Variants in ADCY10 observed in about 807,000 individuals in gnomAD.
The protein encoded by ADCY10 is adenylate cyclase type 10.
Under a neutral mutation model 183.3 loss-of-function variants are expected in ADCY10, and 156 were observed. The observed-to-expected ratio is 0.85, with a 90% CI of 0.75 to 0.97. ADCY10 has a LOEUF of 0.97. Among genes scored for constraint, ADCY10 ranks in the 50% least tolerant of loss-of-function variants. ADCY10 has a pLI of 0.00. For synonymous variants in ADCY10, 645 were observed against 670.0 expected, an observed-to-expected ratio of 0.96 and a Z score of 0.58; for missense variants, 1,745 against 1,934.3, an observed-to-expected ratio of 0.90 and a Z score of 1.84.
At position 167,860,929 on chromosome 1, in the gene ADCY10, A is replaced by G; in HGVS notation, c.1751T>C (p.Val584Ala). The G allele has an allele frequency of 2.5e-6, 4 of 1,614,150 alleles. No individual in the cohort carries two copies. Among genetic ancestry groups the G allele is most frequent in the Non-Finnish European group, 3.4e-6 (4 of 1,180,020 alleles). The change falls in exon 15 of 33, where the codon GTC becomes GCC. Residue 584 changes from valine to alanine, a missense_variant. Coordinates refer to ENST00000367851, the MANE Select transcript of ADCY10 (RefSeq NM_018417.6). Reference sequence around the variant, plus strand: ...GAACTTTTCATCCAACAGTGTCATGACTTTATTTCGAAGGTTGGTCTGTCG... The same window carrying G: ...GAACTTTTCATCCAACAGTGTCATGGCTTTATTTCGAAGGTTGGTCTGTCG... ...KERQTNLRNK[V>A]MTLLDEKFYC...
intron 30 of ADCY10, among the ~76,000 whole-genome samples, chr1:167,818,902 T>C (rs1662696659): frequency 6.6e-6 from 1 of 152,156 alleles, no homozygotes; most frequent in Non-Finnish European, 1.5e-5. Context: ...TTCTGGGGCT[T>C]GAAGAAATTG....
chr1:167,909,654 C>T (rs1571480908), intron 1 of ADCY10, among the ~76,000 whole-genome samples: 3 of 152,036 alleles, frequency 2.0e-5, no homozygotes, highest in South Asian at 2.1e-4. Context: ...CCAGGGAAGC[C>T]GAAAGATTGG....
rs184925663 is a variant in ADCY10, at chr1:167,831,105, A to G, written c.3594-1682T>C. On this transcript the variant is annotated intron_variant, in intron 25 of 32. Transcript: ENST00000367851. ...GAGGCTGTGTTACAGGCGTGTCCTCAACCTTGGCAAAATAAACTTTCTAAA... is the reference window on the plus strand; with the variant it reads ...GAGGCTGTGTTACAGGCGTGTCCTCGACCTTGGCAAAATAAACTTTCTAAA... Among the ~76,000 whole-genome samples the G allele has an allele frequency of 4.5e-3, 693 of 152,342 alleles. 5 individuals carry two copies. Among genetic ancestry groups the G allele is most frequent in the African/African-American group, 0.016 (651 of 41,584 alleles).
intron 13 of ADCY10, among the ~76,000 whole-genome samples, chr1:167,872,085 T>G (rs1453300685): frequency 6.6e-6 from 1 of 152,148 alleles, no homozygotes; most frequent in African/African-American, 2.4e-5. Context: ...CTCACGCCTG[T>G]AATCCCAGCA....
At chr1:167,891,751 A>G (rs1297932785) in intron 8 of ADCY10, among the ~76,000 whole-genome samples, 2 of 152,066 alleles carry the variant, frequency 1.3e-5, no homozygotes, top group African/African-American at 4.8e-5. Context: ...TAGCAAATCA[A>G]TGGGGGAAAA....
At chr1:167,884,783 T>C (rs1307968690) in intron 8 of ADCY10, among the ~76,000 whole-genome samples, 1 of 150,930 alleles carries the variant, frequency 6.6e-6, no homozygotes, top group African/African-American at 2.4e-5. Flanking sequence ...CTGCAACCTC[T>C]GCCTCCTGGG....
intron 12 of ADCY10, among the ~76,000 whole-genome samples, chr1:167,876,461 C>T (rs540277549): frequency 6.6e-6 from 1 of 152,106 alleles, no homozygotes; most frequent in Non-Finnish European, 1.5e-5. Flanking sequence ...TGGATTATGC[C>T]CTTCTCTGAA....
At chr1:167,884,886 C>T (rs555490227) in intron 8 of ADCY10, among the ~76,000 whole-genome samples, 5 of 151,992 alleles carry the variant, frequency 3.3e-5, no homozygotes, top group South Asian at 2.1e-4. Flanking sequence ...TTAGTAGAGA[C>T]GGGGTTTCAC....
At chr1:167,864,524 G>A (rs1006827558) in intron 14 of ADCY10, among the ~76,000 whole-genome samples, 6 of 151,702 alleles carry the variant, frequency 4.0e-5, no homozygotes, top group Admixed American at 6.6e-5. Context: ...GACCCCCTTC[G>A]CCCCCACAGT....
intron 8 of ADCY10, among the ~76,000 whole-genome samples, chr1:167,889,924 T>C (rs1349077702): frequency 6.6e-6 from 1 of 152,242 alleles, no homozygotes; most frequent in East Asian, 1.9e-4. Flanking sequence ...GTCTTTTCTC[T>C]TCTGTTCTTA....
At chr1:167,903,323 G>A (rs998688302) in intron 3 of ADCY10, among the ~76,000 whole-genome samples, 1 of 151,498 alleles carries the variant, frequency 6.6e-6, no homozygotes, top group Non-Finnish European at 1.5e-5. Context: ...CAGCACTTTG[G>A]GGGGCTGAGG....
intron 13 of ADCY10, 44 bp downstream of exon 13, chr1:167,875,087 T>C: frequency 6.6e-7 from 1 of 1,511,804 alleles, no homozygotes; most frequent in Non-Finnish European, 9.2e-7. Flanking sequence ...GCATGTTTTG[T>C]TTTAGTTCAA....
chr1:167,827,718 AATTT>A (rs1471647303), intron 26 of ADCY10, among the ~76,000 whole-genome samples: 87 of 120,436 alleles, frequency 7.2e-4, no homozygotes, highest in African/African-American at 2.7e-3. Flanking sequence ...AAAAAAAAAA[AATTT>A]TTTTTTTTGA....
chr1:167,867,397 T>C (rs1666781522), intron 14 of ADCY10, among the ~76,000 whole-genome samples: 1 of 152,216 alleles, frequency 6.6e-6, no homozygotes, highest in South Asian at 2.1e-4. Context: ...GGACTTCAAC[T>C]GACCTTCCTC....
chr1:167,904,787 G>T, intron 2 of ADCY10: 1 of 661,316 alleles, frequency 1.5e-6, no homozygotes, highest in South Asian at 1.8e-5. Flanking sequence ...ATATGCCTAT[G>T]ACTGGCAGTC....
chr1:167,854,466 C>T lies in ADCY10; in HGVS notation c.2195G>A (p.Gly732Glu), dbSNP rs1393222723. The change falls in exon 18 of 33, where the codon GGG becomes GAG. Residue 732 changes from glycine (G) to glutamate (E), a missense_variant. By Grantham distance (98) the Gly-to-Glu change is moderately conservative. Transcript: ENST00000367851. ...CAATTCTTCACAGTAAAATGGAATC[C>T]CACAGCTTCCCTCCCCCAGGTACCT... The part of the protein sequence containing the change: ...LDSYLGEGSC[G>E]IPFYCEELLK... The T allele has an allele frequency of 1.2e-6, 2 of 1,613,994 alleles. No homozygotes were observed. Among genetic ancestry groups the T allele is most frequent in the Non-Finnish European group, 1.7e-6 (2 of 1,180,034 alleles).
intron 16 of ADCY10, 44 bp downstream of exon 16, chr1:167,859,762 GC>G (rs780035907): frequency 3.0e-5 from 43 of 1,430,212 alleles, no homozygotes; most frequent in Non-Finnish European, 3.9e-5. Context: ...GTGGTGATTT[GC>G]CCAGTTTTCT....
At chr1:167,829,137 C>G (rs2101887902) in intron 26 of ADCY10, 130 bp downstream of exon 26, 2 of 1,108,988 alleles carry the variant, frequency 1.8e-6, no homozygotes. Flanking sequence ...CTGGCCTTGT[C>G]AAAACAAGCC....
intron 28 of ADCY10, 65 bp from the exon 29 acceptor site, chr1:167,823,188 A>C: frequency 7.1e-7 from 1 of 1,403,956 alleles, no homozygotes; most frequent in South Asian, 1.2e-5. Context: ...GCACTTTGGG[A>C]GGCTGAGGTG....
Sources: gnomAD v4.1 joint callset for allele counts (sites outside exome capture counted in the v4.1 genomes callset) on GRCh38, gnomAD v4.1.1 for gene constraint, MANE v1.5 for transcripts, NCBI Gene and HGNC (gene_info 2026-07-23, HGNC 2026-07-21) for gene names.